Variants in NECTIN1 observed in about 807,000 individuals in gnomAD.
NECTIN1 encodes nectin-1.
NECTIN1 carries 23 observed loss-of-function variants against 48.0 expected under a neutral mutation model. The observed-to-expected ratio is 0.48, with a 90% CI of 0.34 to 0.68. The LOEUF (loss-of-function observed/expected upper bound fraction) is 0.68, where lower values mean the gene tolerates loss of function less well. NECTIN1 is among the 30% of genes least tolerant of loss of function. The probability of loss-of-function intolerance (pLI) is 0.01; values close to 1 mark genes in which losing one functional copy is unlikely to be tolerated. For synonymous variants in NECTIN1, 270 were observed against 288.9 expected, an observed-to-expected ratio of 0.93 and a Z score of 0.66; for missense variants, 591 against 709.9, an observed-to-expected ratio of 0.83 and a Z score of 1.90.
chr11:119,665,256 C>T lies in NECTIN1; in HGVS notation c.1045G>A (p.Ala349Thr), dbSNP rs1422472639. ...ATGATGGCCGTGGGCACCGGCCCGGCGCGCCGCCCATGTTCGGGAGGAGAC... is the reference window on the plus strand; with the variant it reads ...ATGATGGCCGTGGGCACCGGCCCGGTGCGCCGCCCATGTTCGGGAGGAGAC... ...TPSPPEHGRR[A>T]GPVPTAIIGG... The change falls in exon 6 of 6, where the codon GCC becomes ACC. Residue 349 changes from alanine to threonine, a missense_variant. By Grantham distance (58) the Ala-to-Thr change is moderately conservative. Transcript: ENST00000264025. This position sits in a 1 kb window ranked among gnomAD's most constrained non-coding sequence, Gnocchi z 5.1. The T allele has an allele frequency of 2.8e-5, 44 of 1,597,492 alleles. No individual in the cohort carries two copies. Among genetic ancestry groups the T allele is most frequent in the Middle Eastern group, 1.6e-4 (1 of 6,066 alleles).
At position 119,665,171 on chromosome 11, in the gene NECTIN1, G is replaced by C. The variant is rs369649445; in HGVS notation, c.1130C>G (p.Ala377Gly). The change falls in exon 6 of 6, where the codon GCC becomes GGC. Residue 377 changes from alanine to glycine, a missense_variant. Transcript: ENST00000264025. This position sits in a 1 kb window ranked among gnomAD's most constrained non-coding sequence, Gnocchi z 5.1. Reference sequence around the variant, plus strand: ...GAAGGTGTGCCGGCGCCGACGCAGGGCGACCACGATCCCGCCGACCACAAT... The same window carrying C: ...GAAGGTGTGCCGGCGCCGACGCAGGCCGACCACGATCCCGCCGACCACAAT... ...VLIVVGGIVV[A>G]LRRRRHTFKG... 1 of 1,611,514 alleles carries C rather than the reference G, an allele frequency of 6.2e-7. No individual in the cohort carries two copies. The highest frequency in any genetic ancestry group is 8.5e-7 in the Non-Finnish European group (1 of 1,179,910).
At chr11:119,721,516 G>T (rs1009768547) in intron 1 of NECTIN1, among the ~76,000 whole-genome samples, 1 of 152,256 alleles carries the variant, frequency 6.6e-6, no homozygotes, top group Non-Finnish European at 1.5e-5. Context: ...CCTCTAATGA[G>T]ATCCAGGCCA....
intron 1 of NECTIN1, among the ~76,000 whole-genome samples, chr11:119,711,455 T>G (rs1242894288): frequency 6.6e-6 from 1 of 151,526 alleles, no homozygotes; most frequent in Non-Finnish European, 1.5e-5. Context: ...GCCAGCCAGC[T>G]CCCATCGGTT....
At chr11:119,722,282 T>C (rs905026905) in intron 1 of NECTIN1, among the ~76,000 whole-genome samples, 1 of 152,206 alleles carries the variant, frequency 6.6e-6, no homozygotes, top group Admixed American at 6.5e-5. Context: ...ACAGACAGTA[T>C]TATGACAATT....
At chr11:119,657,774 A>C (rs140164777), downstream of NECTIN1, among the ~76,000 whole-genome samples, 33 of 147,008 alleles carry the variant, frequency 2.2e-4, no homozygotes, top group African/African-American at 7.7e-4. Flanking sequence ...AATAATAATA[A>C]TACTAGCTGG....
rs749984073 is a variant in NECTIN1 at position 119,678,734 on chromosome 11, G to A, written c.111C>T (p.Asp37=). The A allele has an allele frequency of 1.1e-5, 18 of 1,612,904 alleles. No homozygotes were observed. The highest frequency in any genetic ancestry group is 6.7e-5 in the Admixed American group (4 of 59,884). Residue 37 remains aspartate (D), a synonymous_variant, in exon 2 of 6, where the codon GAC becomes GAT. Transcript: ENST00000264025. The surrounding 1 kb of genome is among the most constrained non-coding windows in gnomAD (Gnocchi z 4.4). ...GVHSQVVQVN[D]SMYGFIGTDV... ...CTGTGCCGATGAAGCCATACATGGA[G>A]TCGTTCACCTGGACCACCTGGGAGT...
At chr11:119,680,671 A>G (rs954154017) in intron 1 of NECTIN1, among the ~76,000 whole-genome samples, 1 of 152,224 alleles carries the variant, frequency 6.6e-6, no homozygotes, top group African/African-American at 2.4e-5. Context: ...GAATAAGTCT[A>G]TCTTTGGCTT....
At chr11:119,716,107 G>A (rs973646381) in intron 1 of NECTIN1, among the ~76,000 whole-genome samples, 4 of 152,176 alleles carry the variant, frequency 2.6e-5, no homozygotes, top group African/African-American at 9.6e-5. Flanking sequence ...TTTCAGAAGG[G>A]AGCACAGGAG....
downstream of NECTIN1, among the ~76,000 whole-genome samples, chr11:119,660,235 G>A (rs530422483): frequency 2.2e-4 from 33 of 152,280 alleles, no homozygotes; most frequent in Non-Finnish European, 1.9e-4. Flanking sequence ...GGGATGGCTG[G>A]GATGGGGCAG....
At chr11:119,656,953 G>A (rs1864584370), downstream of NECTIN1, among the ~76,000 whole-genome samples, 2 of 152,192 alleles carry the variant, frequency 1.3e-5, no homozygotes, top group South Asian at 4.1e-4. Context: ...TCTGACAGGT[G>A]CCCAGGGAAC....
chr11:119,676,786 T>C (rs1416599451), intron 4 of NECTIN1: 3 of 408,154 alleles, frequency 7.4e-6, no homozygotes, highest in Admixed American at 3.6e-5. Context: ...GGGGTTGGGG[T>C]GGGAGTGACT....
At position 119,728,649 on chromosome 11, in the gene NECTIN1, G is replaced by A; in HGVS notation, c.-96C>T. 1 of 700,268 alleles carries A rather than the reference G, an allele frequency of 1.4e-6. No individual in the cohort carries two copies. The highest frequency in any genetic ancestry group is 2.2e-6 in the Non-Finnish European group (1 of 461,216). The allele number at this position is 700,268 out of a possible 1,614,324, so 43.4% of individuals were successfully genotyped here. A position where few individuals can be genotyped will look rare whatever the true frequency, so the allele number is the denominator to read the frequency against. ...GATGAGGGAAGATCGCTGGCGGTCG[G>A]CGGGCGCTCGAAGGATCCAGGTCAG... On this transcript the variant is annotated 5_prime_UTR_variant, in exon 1 of 6. Coordinates refer to ENST00000264025, the MANE Select transcript of NECTIN1 (RefSeq NM_002855.5).
intron 1 of NECTIN1, among the ~76,000 whole-genome samples, chr11:119,703,976 C>T (rs192279758): frequency 8.5e-5 from 13 of 152,288 alleles, no homozygotes; most frequent in Non-Finnish European, 1.3e-4. Context: ...CTTTCACACT[C>T]GGAGTACGTG....
intron 1 of NECTIN1, among the ~76,000 whole-genome samples, chr11:119,723,609 A>G (rs898916096): frequency 1.3e-5 from 2 of 152,120 alleles, no homozygotes; most frequent in Non-Finnish European, 2.9e-5. Context: ...CTTTGTGTCC[A>G]TCTCGGGTCT....
chr11:119,704,417 A>T (rs1865512077), intron 1 of NECTIN1, among the ~76,000 whole-genome samples: 1 of 152,026 alleles, frequency 6.6e-6, no homozygotes, highest in Non-Finnish European at 1.5e-5. Context: ...AATAGGGTTC[A>T]TGTTGGCCAG....
At chr11:119,675,351 C>T (rs199750740) in intron 4 of NECTIN1, 41 bp from the exon 5 acceptor site, 125 of 1,613,606 alleles carry the variant, frequency 7.7e-5, no homozygotes, top group Non-Finnish European at 9.7e-5. Flanking sequence ...TATGACTCTC[C>T]AGCCTCAAGA....
rs369474398 is a variant in NECTIN1, at chr11:119,678,400, C to T, written c.430+15G>A. ...GGCCTCTGGATGAACAGGGAGGGGGCCCAGGGCAGCTTACCCATCACCGTG... is the reference window on the plus strand; with the variant it reads ...GGCCTCTGGATGAACAGGGAGGGGGTCCAGGGCAGCTTACCCATCACCGTG... On this transcript the variant is annotated intron_variant, in intron 2 of 5. Coordinates refer to ENST00000264025, the MANE Select transcript of NECTIN1 (RefSeq NM_002855.5). The surrounding 1 kb of genome is among the most constrained non-coding windows in gnomAD (Gnocchi z 4.4). 3 of 1,610,722 alleles carry T rather than the reference C, an allele frequency of 1.9e-6. No homozygotes were observed. The highest frequency in any genetic ancestry group is 2.7e-5 in the African/African-American group (2 of 74,828).
intron 4 of NECTIN1, chr11:119,676,781 T>G: frequency 5.1e-6 from 2 of 392,696 alleles, no homozygotes; most frequent in Non-Finnish European, 9.7e-6. Flanking sequence ...ACTGGGGGGT[T>G]GGGGTGGGAG....
chr11:119,721,894 G>A (rs867061953), intron 1 of NECTIN1, among the ~76,000 whole-genome samples: 23 of 152,240 alleles, frequency 1.5e-4, no homozygotes, highest in Admixed American at 7.9e-4. Context: ...AGCTCTGGCT[G>A]GGCCACCCTC....
Sources: gnomAD v4.1 joint callset for allele counts (sites outside exome capture counted in the v4.1 genomes callset) on GRCh38, gnomAD v4.1.1 for gene constraint, Gnocchi (gnomAD v3.1) non-coding constraint, MANE v1.5 for transcripts, NCBI Gene and HGNC (gene_info 2026-07-23, HGNC 2026-07-21) for gene names.